Variants in CMIP observed in about 807,000 individuals in gnomAD.
The protein encoded by CMIP is C-Maf-inducing protein.
A neutral mutation model predicts 97.3 loss-of-function variants in CMIP; 13 were observed. The observed-to-expected ratio is 0.13, with a 90% CI of 0.09 to 0.21. The LOEUF (loss-of-function observed/expected upper bound fraction) is 0.21. Ranked by LOEUF, CMIP falls within the 10% of genes least tolerant of loss-of-function variation. CMIP has a pLI of 1.00. For synonymous variants in CMIP, 538 were observed against 436.3 expected, an observed-to-expected ratio of 1.23 and a Z score of -2.91; for missense variants, 847 against 1,024.9, an observed-to-expected ratio of 0.83 and a Z score of 2.37.
At chr16:81,454,035 G>C (rs1172987866) in intron 1 of CMIP, among the ~76,000 whole-genome samples, 1 of 152,216 alleles carries the variant, frequency 6.6e-6, no homozygotes, top group East Asian at 1.9e-4. Context: ...CAAGAGCAGA[G>C]CTGCTTCCCT....
At chr16:81,531,236 G>C (rs916799643) in intron 1 of CMIP, among the ~76,000 whole-genome samples, 15 of 152,296 alleles carry the variant, frequency 9.8e-5, no homozygotes, top group African/African-American at 3.6e-4. Flanking sequence ...CCGTGTGACA[G>C]CAGAGACAGA....
intron 4 of CMIP, among the ~76,000 whole-genome samples, chr16:81,656,046 A>C (rs2092477544): frequency 6.6e-6 from 1 of 152,190 alleles, no homozygotes; most frequent in African/African-American, 2.4e-5. Flanking sequence ...AACTCCACTC[A>C]TATCCACTAA....
intron 1 of CMIP, among the ~76,000 whole-genome samples, chr16:81,604,302 A>G (rs1167154997): frequency 1.3e-5 from 2 of 150,148 alleles, no homozygotes; most frequent in African/African-American, 2.5e-5. Flanking sequence ...AGGCTGAGGC[A>G]GGAGAATCGC....
chr16:81,564,830 A>G (rs1288214663), intron 1 of CMIP, among the ~76,000 whole-genome samples: 1 of 152,228 alleles, frequency 6.6e-6, no homozygotes, highest in African/African-American at 2.4e-5. Context: ...TGAATAAAAC[A>G]TGCTCAAGCT....
chr16:81,626,775 CAGAG>C (rs141984782), intron 3 of CMIP, among the ~76,000 whole-genome samples: 56 of 110,192 alleles, frequency 5.1e-4, no homozygotes, highest in South Asian at 7.3e-4. Context: ...TGTGGAGTGA[CAGAG>C]AGAGAGAGAG....
At chr16:81,613,796 G>A (rs781318245) in intron 2 of CMIP, among the ~76,000 whole-genome samples, 1 of 152,042 alleles carries the variant, frequency 6.6e-6, no homozygotes, top group Non-Finnish European at 1.5e-5. Context: ...CCATCTATCC[G>A]CCCACCCATC....
At chr16:81,552,998 TC>T (rs1415147419) in intron 1 of CMIP, among the ~76,000 whole-genome samples, 1 of 152,144 alleles carries the variant, frequency 6.6e-6, no homozygotes, top group African/African-American at 2.4e-5. Flanking sequence ...CAGGAAAGTC[TC>T]CTCTAAAGAC....
intron 7 of CMIP, among the ~76,000 whole-genome samples, chr16:81,669,137 C>A (rs2092649266): frequency 8.3e-6 from 1 of 120,730 alleles, no homozygotes. Flanking sequence ...CTTCCACACC[C>A]ACTTCATACC....
intron 5 of CMIP, among the ~76,000 whole-genome samples, chr16:81,659,550 G>T (rs1055995751): frequency 6.6e-6 from 1 of 152,172 alleles, no homozygotes; most frequent in African/African-American, 2.4e-5. Flanking sequence ...AAGGCAAAGT[G>T]GTAAGACGGG....
chr16:81,508,259 T>C (rs2089746890), intron 1 of CMIP, among the ~76,000 whole-genome samples: 1 of 152,250 alleles, frequency 6.6e-6, no homozygotes, highest in South Asian at 2.1e-4. Flanking sequence ...CCCGGCTGGC[T>C]TATCTCCTCC....
chr16:81,450,926 C>G (rs150708630), intron 1 of CMIP, among the ~76,000 whole-genome samples: 2 of 152,202 alleles, frequency 1.3e-5, no homozygotes, highest in Non-Finnish European at 2.9e-5. Flanking sequence ...TCTGGACATG[C>G]ATGCACACAG....
chr16:81,474,055 A>G (rs1335279723), intron 1 of CMIP, among the ~76,000 whole-genome samples: 1 of 152,124 alleles, frequency 6.6e-6, no homozygotes, highest in East Asian at 1.9e-4. Context: ...CTAAAGAAGC[A>G]GAGGCAGGCC....
At chr16:81,458,534 C>A (rs1906701769) in intron 1 of CMIP, among the ~76,000 whole-genome samples, 1 of 152,164 alleles carries the variant, frequency 6.6e-6, no homozygotes, top group African/African-American at 2.4e-5. Context: ...CCTCCCTGCT[C>A]AGCCATTCTG....
chr16:81,502,298 C>T (rs777009163), intron 1 of CMIP, among the ~76,000 whole-genome samples: 12 of 152,222 alleles, frequency 7.9e-5, no homozygotes, highest in Non-Finnish European at 1.6e-4. Context: ...TCCCAGTTTA[C>T]ACTTGTAGTC....
chr16:81,704,732 C>T (rs1329000821), intron 18 of CMIP, among the ~76,000 whole-genome samples: 2 of 139,054 alleles, frequency 1.4e-5, no homozygotes, highest in Admixed American at 1.5e-4. Flanking sequence ...ACCCTCCTCC[C>T]TGCCCCTCAC....
intron 1 of CMIP, among the ~76,000 whole-genome samples, chr16:81,497,633 G>C (rs540900147): frequency 1.3e-5 from 2 of 152,242 alleles, no homozygotes; most frequent in Non-Finnish European, 2.9e-5. Flanking sequence ...CTCTCCGAGG[G>C]TGTCTGGGCC....
chr16:81,521,151 G>A (rs1193418455), intron 1 of CMIP, among the ~76,000 whole-genome samples: 1 of 152,244 alleles, frequency 6.6e-6, no homozygotes, highest in Admixed American at 6.5e-5. Flanking sequence ...TGTTCTGGAA[G>A]GCTTTTCTTT....
rs1398483107 is a variant in CMIP, at chr16:81,654,092, A to G, written c.639+1728A>G. Among the ~76,000 whole-genome samples, 4 of 152,244 alleles carry G rather than the reference A, an allele frequency of 2.6e-5. No homozygotes were observed. The East Asian group carries it at 5.8e-4, about 22-fold the overall frequency. ...TTCAGCGCCACCAGGCTCAACCACC[A>G]CCACACCCTTATTAAATCAGGGCAG... On this transcript the variant is annotated intron_variant, in intron 4 of 20. Coordinates refer to ENST00000537098, the MANE Select transcript of CMIP (RefSeq NM_198390.3).
intron 13 of CMIP, among the ~76,000 whole-genome samples, chr16:81,694,176 G>A (rs913039279): frequency 3.3e-5 from 5 of 152,158 alleles, no homozygotes; most frequent in African/African-American, 9.6e-5. Flanking sequence ...GCTGGTCCAC[G>A]ACTGAGGCAA....
Sources: allele counts gnomAD v4.1 joint callset (sites outside exome capture counted in the v4.1 genomes callset), GRCh38; gene constraint gnomAD v4.1.1; transcripts MANE v1.5; gene names NCBI Gene and HGNC (gene_info 2026-07-23, HGNC 2026-07-21).